GPC5: variants seen among roughly 807,000 people sequenced by gnomAD.
GPC5 encodes glypican 5.
A neutral mutation model predicts 53.9 loss-of-function variants in GPC5; 47 were observed. That is an observed-to-expected ratio of 0.87 (90% CI 0.69 to 1.11). The LOEUF is 1.11. Ranked by LOEUF, GPC5 falls within the 50% of genes most tolerant of loss-of-function variation. The pLI is 0.00. For missense variants in GPC5, 748 were observed against 713.1 expected, an observed-to-expected ratio of 1.05 and a Z score of -0.56; for synonymous variants, 286 against 263.3, an observed-to-expected ratio of 1.09 and a Z score of -0.84.
At chr13:92,845,190 C>T (rs1878570900) in intron 7 of GPC5, among the ~76,000 whole-genome samples, 1 of 151,706 alleles carries the variant, frequency 6.6e-6, no homozygotes, top group Admixed American at 6.6e-5. Flanking sequence ...TCAGAAAATG[C>T]AAAACTGAGG....
At chr13:92,748,221 G>C (rs974472308) in intron 7 of GPC5, among the ~76,000 whole-genome samples, 4 of 151,500 alleles carry the variant, frequency 2.6e-5, no homozygotes, top group Admixed American at 2.0e-4. Flanking sequence ...ACGGTAGTTT[G>C]ATATACATCA....
At chr13:92,816,453 T>C (rs1346363107) in intron 7 of GPC5, among the ~76,000 whole-genome samples, 1 of 152,182 alleles carries the variant, frequency 6.6e-6, no homozygotes, top group East Asian at 1.9e-4. Context: ...TGAGATTTGT[T>C]AGTTGCCTGG....
chr13:91,581,167 T>A (rs1355520326), intron 2 of GPC5, among the ~76,000 whole-genome samples: 1 of 152,142 alleles, frequency 6.6e-6, no homozygotes, highest in Non-Finnish European at 1.5e-5. Flanking sequence ...AAGATGAGAT[T>A]TGGGTGGGGA....
intron 6 of GPC5, among the ~76,000 whole-genome samples, chr13:92,094,583 AAAG>A (rs1475309244): frequency 6.6e-6 from 1 of 151,632 alleles, no homozygotes; most frequent in African/African-American, 2.4e-5. Flanking sequence ...TATTTTCAAA[AAAG>A]AAAATCTAAA....
intron 2 of GPC5, among the ~76,000 whole-genome samples, chr13:91,511,915 G>T (rs1334022758): frequency 6.6e-6 from 1 of 151,974 alleles, no homozygotes; most frequent in African/African-American, 2.4e-5. Context: ...TTTTATAAAA[G>T]AAACTATATA....
At chr13:92,456,245 AG>A (rs1223142912) in intron 7 of GPC5, among the ~76,000 whole-genome samples, 2 of 152,190 alleles carry the variant, frequency 1.3e-5, no homozygotes, top group African/African-American at 4.8e-5. Context: ...CATTGCCTAA[AG>A]GAGCACTTGC....
chr13:92,733,019 C>T (rs1403147577), intron 7 of GPC5, among the ~76,000 whole-genome samples: 1 of 151,612 alleles, frequency 6.6e-6, no homozygotes, highest in Non-Finnish European at 1.5e-5. Flanking sequence ...TTTCTTTCTG[C>T]TGTTTCTTGA....
intron 7 of GPC5, among the ~76,000 whole-genome samples, chr13:92,847,233 C>G (rs1878641041): frequency 6.6e-6 from 1 of 152,142 alleles, no homozygotes; most frequent in East Asian, 1.9e-4. Context: ...TTCTGCTTTG[C>G]AAAGAGGTTC....
At chr13:92,118,572 T>G (rs566250985) in intron 6 of GPC5, among the ~76,000 whole-genome samples, 26 of 152,252 alleles carry the variant, frequency 1.7e-4, no homozygotes, top group Non-Finnish European at 2.1e-4. Context: ...TCTCTATATA[T>G]GATCCATCTT....
intron 5 of GPC5, among the ~76,000 whole-genome samples, chr13:91,778,127 A>AT (rs2037740734): frequency 6.6e-6 from 1 of 152,126 alleles, no homozygotes; most frequent in Non-Finnish European, 1.5e-5. Context: ...TTCAGAGAGG[A>AT]TTTTCAGAAT....
At chr13:91,538,882 C>T (rs1453888558) in intron 2 of GPC5, among the ~76,000 whole-genome samples, 1 of 151,878 alleles carries the variant, frequency 6.6e-6, no homozygotes, top group East Asian at 1.9e-4. Flanking sequence ...AGCCACCGTG[C>T]CCAGCCCCAT....
chr13:92,150,927 T>C (rs571727235), intron 7 of GPC5, among the ~76,000 whole-genome samples: 13 of 150,958 alleles, frequency 8.6e-5, no homozygotes, highest in African/African-American at 2.7e-4. Context: ...TATTATCAGG[T>C]AAATTTTCTC....
chr13:91,613,516 A>G (rs1242606713), intron 2 of GPC5, among the ~76,000 whole-genome samples: 1 of 152,198 alleles, frequency 6.6e-6, no homozygotes, highest in Non-Finnish European at 1.5e-5. Flanking sequence ...ACCATATCAC[A>G]GATATTTCCA....
At chr13:92,414,254 C>G in intron 7 of GPC5, among the ~76,000 whole-genome samples, 1 of 152,158 alleles carries the variant, frequency 6.6e-6, no homozygotes, top group African/African-American at 2.4e-5. Context: ...CCTGTAATCC[C>G]AGCACATTGG....
intron 7 of GPC5, among the ~76,000 whole-genome samples, chr13:92,641,293 T>G (rs1885587277): frequency 6.6e-6 from 1 of 152,102 alleles, no homozygotes; most frequent in South Asian, 2.1e-4. Context: ...GCTGCATTAT[T>G]CCACTTGCAG....
chr13:92,838,102 A>G (rs1878281877), intron 7 of GPC5, among the ~76,000 whole-genome samples: 1 of 151,888 alleles, frequency 6.6e-6, no homozygotes, highest in African/African-American at 2.4e-5. Flanking sequence ...AAAAAAATTA[A>G]AAAGTCACAA....
intron 7 of GPC5, among the ~76,000 whole-genome samples, chr13:92,484,251 T>C (rs888472027): frequency 2.0e-5 from 3 of 152,210 alleles, no homozygotes; most frequent in African/African-American, 4.8e-5. Flanking sequence ...GTAACACTCA[T>C]GGAGCTGTCA....
chr13:91,995,194 G>T (rs1030932184), intron 6 of GPC5: 1 of 151,894 alleles, frequency 6.6e-6, no homozygotes. Context: ...GGATGGTCTC[G>T]ATCTCCTGAC....
intron 6 of GPC5, among the ~76,000 whole-genome samples, chr13:92,106,266 A>C (rs773017006): frequency 7.2e-5 from 11 of 152,098 alleles, no homozygotes; most frequent in Non-Finnish European, 1.3e-4. Context: ...ATGGACCCCC[A>C]ATTTCAAAGA....
Sources: allele counts gnomAD v4.1 joint callset (sites outside exome capture counted in the v4.1 genomes callset), GRCh38; gene constraint gnomAD v4.1.1; transcripts MANE v1.5; gene names NCBI Gene and HGNC (gene_info 2026-07-23, HGNC 2026-07-21).